ITPR2: variants seen among roughly 807,000 people sequenced by gnomAD.
ITPR2 encodes inositol 1,4,5-trisphosphate receptor type 2, also known as inositol 1,4,5-trisphosphate-gated calcium channel ITPR2.
In ITPR2, 207 loss-of-function variants were observed where a neutral mutation model predicts 317.1. The ratio of observed to expected loss-of-function variants is 0.65; its 90% CI spans 0.58 to 0.73. The LOEUF (loss-of-function observed/expected upper bound fraction) is 0.73, where lower values mean the gene tolerates loss of function less well. ITPR2 is among the 30% of genes least tolerant of loss of function. ITPR2 has a pLI of 0.00. For synonymous variants in ITPR2, 1,156 were observed against 1,149.1 expected (o/e 1.01, Z -0.12); for missense variants, 2,613 against 3,284.0 (o/e 0.80, Z 4.99).
At chr12:26,600,157 C>A in intron 28 of ITPR2, 48 bp from the exon 29 acceptor site, 1 of 1,532,032 alleles carries the variant, frequency 6.5e-7, no homozygotes, top group Non-Finnish European at 8.9e-7. Flanking sequence ...TAGGAGACAG[C>A]AAATGTTATG....
At chr12:26,629,720 GTC>G (rs1388347193) in intron 22 of ITPR2, among the ~76,000 whole-genome samples, 1 of 151,416 alleles carries the variant, frequency 6.6e-6, no homozygotes, top group Non-Finnish European at 1.5e-5. Flanking sequence ...GTCTGTCTCA[GTC>G]TCTCTCTTTC....
chr12:26,797,314 C>A (rs1015103081), intron 1 of ITPR2, among the ~76,000 whole-genome samples: 14 of 152,070 alleles, frequency 9.2e-5, no homozygotes, highest in African/African-American at 3.1e-4. Flanking sequence ...AAATAGATTT[C>A]TAAAAGAAAG....
chr12:26,579,425 T>A (rs185009006), intron 33 of ITPR2, among the ~76,000 whole-genome samples: 2 of 152,296 alleles, frequency 1.3e-5, no homozygotes, highest in African/African-American at 4.8e-5. Context: ...TGAGTTTTTT[T>A]ATGCATGTAT....
chr12:26,668,961 A>G (rs993079301), intron 13 of ITPR2, among the ~76,000 whole-genome samples: 4 of 152,102 alleles, frequency 2.6e-5, no homozygotes, highest in African/African-American at 9.7e-5. Flanking sequence ...GCACAAAACA[A>G]TTAAAAAATT....
intron 1 of ITPR2, among the ~76,000 whole-genome samples, chr12:26,817,710 G>A (rs1950883566): frequency 6.6e-6 from 1 of 152,138 alleles, no homozygotes; most frequent in African/African-American, 2.4e-5. Flanking sequence ...CATCTTTTTA[G>A]ACCATATACA....
At chr12:26,414,988 A>C (rs1284413451) in intron 51 of ITPR2, among the ~76,000 whole-genome samples, 3 of 152,108 alleles carry the variant, frequency 2.0e-5, no homozygotes, top group Non-Finnish European at 4.4e-5. Flanking sequence ...GAGGAGGAAA[A>C]GATTTTTAAA....
intron 2 of ITPR2, among the ~76,000 whole-genome samples, chr12:26,782,584 C>T (rs190960642): frequency 6.6e-6 from 1 of 152,270 alleles, no homozygotes; most frequent in East Asian, 1.9e-4. Context: ...AAACAAACAG[C>T]TCTAGAGTCA....
chr12:26,668,260 A>C (rs1326514532), intron 13 of ITPR2, among the ~76,000 whole-genome samples: 2 of 152,354 alleles, frequency 1.3e-5, no homozygotes, highest in African/African-American at 4.8e-5. Context: ...AATAAACTAA[A>C]CATATAAAAC....
chr12:26,637,352 A>T (rs1177204067), intron 21 of ITPR2, among the ~76,000 whole-genome samples: 4 of 152,204 alleles, frequency 2.6e-5, no homozygotes, highest in African/African-American at 7.2e-5. Flanking sequence ...TATAGCATGG[A>T]CAGCACACAA....
intron 28 of ITPR2, among the ~76,000 whole-genome samples, 175 bp downstream of exon 28, chr12:26,602,195 G>C (rs1271229431): frequency 6.6e-6 from 1 of 152,116 alleles, no homozygotes; most frequent in South Asian, 2.1e-4. Context: ...TGGTGACATG[G>C]TAGTGTACCC....
At chr12:26,700,705 C>T (rs1390349605) in intron 9 of ITPR2, among the ~76,000 whole-genome samples, 1 of 152,090 alleles carries the variant, frequency 6.6e-6, no homozygotes, top group Admixed American at 6.5e-5. Flanking sequence ...AGTTTGCATC[C>T]ATATTCAGAT....
chr12:26,623,335 C>T (rs1233302968), intron 24 of ITPR2: 1 of 151,468 alleles, frequency 6.6e-6, no homozygotes, highest in Non-Finnish European at 1.5e-5. Flanking sequence ...CGTGTTCCCC[C>T]ATCATTAGTC....
At chr12:26,543,982 C>T (rs781658500) in intron 37 of ITPR2, among the ~76,000 whole-genome samples, 8 of 152,066 alleles carry the variant, frequency 5.3e-5, no homozygotes, top group Non-Finnish European at 7.4e-5. Context: ...CCTTTGTAAA[C>T]TCTTGCTTTT....
intron 39 of ITPR2, among the ~76,000 whole-genome samples, chr12:26,492,941 AT>A (rs1942845850): frequency 5.3e-5 from 8 of 149,846 alleles, no homozygotes; most frequent in Non-Finnish European, 1.2e-4. Context: ...ATATATATAT[AT>A]AAAAGCATCA....
At chr12:26,752,386 G>A (rs952180946) in intron 2 of ITPR2, among the ~76,000 whole-genome samples, 8 of 152,174 alleles carry the variant, frequency 5.3e-5, no homozygotes, top group Non-Finnish European at 8.8e-5. Context: ...GATACAGGTC[G>A]TAAAGACCTT....
At chr12:26,692,591 C>T (rs958961912) in intron 10 of ITPR2, among the ~76,000 whole-genome samples, 6 of 152,138 alleles carry the variant, frequency 3.9e-5, no homozygotes, top group South Asian at 2.1e-4. Flanking sequence ...GGGCTTGACA[C>T]GGTTCCAATG....
intron 23 of ITPR2, among the ~76,000 whole-genome samples, chr12:26,625,163 A>G (rs1946592790): frequency 6.6e-6 from 1 of 152,106 alleles, no homozygotes; most frequent in Non-Finnish European, 1.5e-5. Context: ...ATGGCGATAG[A>G]CAGTAGAATA....
At chr12:26,618,168 C>T (rs1946412541) in intron 26 of ITPR2, among the ~76,000 whole-genome samples, 1 of 151,996 alleles carries the variant, frequency 6.6e-6, no homozygotes, top group African/African-American at 2.4e-5. Flanking sequence ...GAACCATTCC[C>T]TTTAAAATCA....
chr12:26,732,892 A>T (rs1949049188), intron 2 of ITPR2, among the ~76,000 whole-genome samples: 1 of 152,226 alleles, frequency 6.6e-6, no homozygotes, highest in Non-Finnish European at 1.5e-5. Flanking sequence ...TGATTTGATC[A>T]TCGTGGCAAG....
Sources: gnomAD v4.1 joint callset for allele counts (sites outside exome capture counted in the v4.1 genomes callset) on GRCh38, gnomAD v4.1.1 for gene constraint, MANE v1.5 for transcripts, NCBI Gene and HGNC (gene_info 2026-07-23, HGNC 2026-07-21) for gene names.